PAX5: variants seen among roughly 807,000 people sequenced by gnomAD.
PAX5 encodes paired box 5, also known as paired box protein Pax-5.
Under a neutral mutation model 43.7 loss-of-function variants are expected in PAX5, and 9 were observed. The ratio of observed to expected loss-of-function variants is 0.21; its 90% CI spans 0.12 to 0.36. The LOEUF (loss-of-function observed/expected upper bound fraction) is 0.36. Ranked by LOEUF, PAX5 falls within the 10% of genes least tolerant of loss-of-function variation. The pLI, the probability that PAX5 is intolerant of heterozygous loss-of-function variation, is 1.00. For synonymous variants in PAX5, 228 were observed against 214.3 expected (o/e 1.06, Z -0.56); for missense variants, 383 against 532.7 (o/e 0.72, Z 2.77).
chr9:36,862,083 G>C lies in PAX5; in HGVS notation c.1013-15154C>G, dbSNP rs574017433. 4.5e-4 allele frequency among the ~76,000 whole-genome samples: 68 copies of C among 152,302 alleles called. No homozygotes were observed. In the South Asian group the frequency reaches 0.014, roughly 31 times the overall value. On this transcript the variant is annotated intron_variant, in intron 8 of 9. Transcript: ENST00000358127. ...CTCACGGAGCGGGGCCAGGTGTGTG[G>C]AGGCAGCTGGTAGAGGGAAAGCATG...
At chr9:36,961,069 C>A (rs1044648427) in intron 6 of PAX5, among the ~76,000 whole-genome samples, 3 of 152,214 alleles carry the variant, frequency 2.0e-5, no homozygotes, top group African/African-American at 7.2e-5. Context: ...AAGAAAAAAA[C>A]CACATCCTCT....
chr9:37,028,862 C>G (rs1038826062), intron 1 of PAX5, among the ~76,000 whole-genome samples: 8 of 152,246 alleles, frequency 5.3e-5, no homozygotes, highest in African/African-American at 1.7e-4. Context: ...TGTAGCAGAA[C>G]TCTCTTGCTA....
intron 8 of PAX5, among the ~76,000 whole-genome samples, chr9:36,847,790 G>A (rs553610791): frequency 1.1e-4 from 17 of 152,294 alleles, no homozygotes; most frequent in East Asian, 1.9e-4. Context: ...CTGGGTGCCC[G>A]TCCCAGGAGA....
intron 7 of PAX5, among the ~76,000 whole-genome samples, chr9:36,905,593 C>T (rs1022272315): frequency 5.9e-5 from 9 of 152,182 alleles, no homozygotes; most frequent in South Asian, 2.1e-4. Flanking sequence ...TCAGGGACTC[C>T]GCATGGCTGA....
chr9:36,840,573 T>C lies in PAX5; in HGVS notation c.1163A>G (p.Tyr388Cys). 1 of 1,587,958 alleles carries C rather than the reference T, an allele frequency of 6.3e-7. No homozygotes were observed. The change falls in exon 10 of 10, where the codon TAT becomes TGT. Residue 388 changes from tyrosine to cysteine, a missense_variant. By Grantham distance (194) the Tyr-to-Cys change is radical. This residue lies in a region of PAX5 where 291 missense variants were observed against 342.5 expected (regional missense o/e 0.85). Coordinates refer to ENST00000358127, the MANE Select transcript of PAX5 (RefSeq NM_016734.3). ...TGGCTCCAAGGGTCAGTGACGGTCA[T>C]AGGCAGTGGCGGCTGCAGGTGGGGC... ...GAAPPAAATA[Y>C]DRH is the part of the protein sequence containing the mutation.
chr9:36,903,173 T>C (rs1437527890), intron 7 of PAX5, among the ~76,000 whole-genome samples: 1 of 152,136 alleles, frequency 6.6e-6, no homozygotes, highest in East Asian at 1.9e-4. Flanking sequence ...AGTGGCATGA[T>C]CCTTACCCTG....
At chr9:36,970,100 G>A (rs148311790) in intron 5 of PAX5, among the ~76,000 whole-genome samples, 5 of 152,302 alleles carry the variant, frequency 3.3e-5, no homozygotes, top group Admixed American at 3.3e-4. Context: ...GCCCACTTTA[G>A]TCAAGTGATC....
chr9:36,843,951 A>G (rs1307674691), intron 9 of PAX5, among the ~76,000 whole-genome samples: 1 of 151,864 alleles, frequency 6.6e-6, no homozygotes, highest in Non-Finnish European at 1.5e-5. Flanking sequence ...TGCTAGTGCA[A>G]CTCTAGTTGT....
intron 6 of PAX5, among the ~76,000 whole-genome samples, chr9:36,944,138 T>G (rs1031033560): frequency 1.3e-5 from 2 of 152,108 alleles, no homozygotes; most frequent in African/African-American, 4.8e-5. Flanking sequence ...GAACTATGAT[T>G]GCACCACTGC....
intron 7 of PAX5, among the ~76,000 whole-genome samples, chr9:36,898,123 G>A (rs141767174): frequency 2.6e-5 from 4 of 152,220 alleles, no homozygotes; most frequent in African/African-American, 9.6e-5. Context: ...AAAGAGGGAA[G>A]GAAAGAGAAT....
At chr9:36,933,143 C>CA (rs35734654) in intron 6 of PAX5, among the ~76,000 whole-genome samples, 30,197 of 96,106 alleles carry the variant, frequency 0.31, 3,256 homozygotes, top group Non-Finnish European at 0.33. Context: ...GACCCTGTCT[C>CA]AAAAAAAAAA....
intron 1 of PAX5, among the ~76,000 whole-genome samples, chr9:37,030,482 G>GCT (rs942047398): frequency 1.3e-5 from 2 of 152,222 alleles, no homozygotes; most frequent in African/African-American, 4.8e-5. Flanking sequence ...GAGACTAGCA[G>GCT]CTCTCACCGC....
At chr9:36,986,157 C>G (rs1024714489) in intron 5 of PAX5, among the ~76,000 whole-genome samples, 23 of 151,698 alleles carry the variant, frequency 1.5e-4, no homozygotes, top group African/African-American at 4.6e-4. Context: ...GCCCGCGCCC[C>G]CCGGGGCCCC....
Position 36,835,593 on chromosome 9 carries a change from G to A in PAX5, c.*4967C>T, listed in dbSNP as rs146822126. On this transcript the variant is annotated 3_prime_UTR_variant, in exon 10 of 10. Transcript: ENST00000358127. ...AAGGGGCTGCTGGGAGGTGGGGCAC[G>A]CCGTGGGCTAGGAGTCGTGGCCTGA... 425 of 233,370 alleles carry A rather than the reference G, an allele frequency of 1.8e-3. No individual in the cohort carries two copies. Among genetic ancestry groups the A allele is most frequent in the Non-Finnish European group, 2.9e-3 (339 of 118,064 alleles). The allele number at this position is 233,370 out of a possible 1,614,324, so 14.5% of individuals were successfully genotyped here. A position where few individuals can be genotyped will look rare whatever the true frequency, so the allele number is the denominator to read the frequency against.
intron 5 of PAX5, among the ~76,000 whole-genome samples, chr9:36,994,375 G>GA (rs543112433): frequency 1.9e-3 from 283 of 152,290 alleles, no homozygotes; most frequent in Middle Eastern, 3.4e-3. Flanking sequence ...CTACCTGCAG[G>GA]GTATAGAGCA....
At chr9:36,959,698 T>G (rs920665454) in intron 6 of PAX5, among the ~76,000 whole-genome samples, 1 of 152,240 alleles carries the variant, frequency 6.6e-6, no homozygotes, top group African/African-American at 2.4e-5. Context: ...CATGCTCAGC[T>G]GCTTGCATGA....
chr9:36,840,592 G>A lies in PAX5; in HGVS notation c.1144C>T (p.Pro382Ser). The change falls in exon 10 of 10, where the codon CCT (proline) becomes TCT (serine). Residue 382 changes from proline to serine, a missense_variant. Transcript: ENST00000358127. The part of the protein sequence containing the change: ...YSAAARGAAP[P>S]AAATAYDRH Reference sequence around the variant, plus strand: ...CGGTCATAGGCAGTGGCGGCTGCAGGTGGGGCGGCTCCTCGGGCGGCAGCG... The same window carrying A: ...CGGTCATAGGCAGTGGCGGCTGCAGATGGGGCGGCTCCTCGGGCGGCAGCG... 1 of 1,585,356 alleles carries A rather than the reference G, an allele frequency of 6.3e-7. No individual in the cohort carries two copies. The highest frequency in any genetic ancestry group is 8.6e-7 in the Non-Finnish European group (1 of 1,166,998).
At chr9:36,913,325 C>G (rs982059179) in intron 7 of PAX5, among the ~76,000 whole-genome samples, 1 of 152,260 alleles carries the variant, frequency 6.6e-6, no homozygotes, top group Non-Finnish European at 1.5e-5. Flanking sequence ...TGCCAACTTA[C>G]TGATGCAAAG....
chr9:36,853,615 TA>T (rs1474368794), intron 8 of PAX5, among the ~76,000 whole-genome samples: 1 of 152,224 alleles, frequency 6.6e-6, no homozygotes, highest in East Asian at 1.9e-4. Context: ...AGCAGAGCCT[TA>T]AGAAATTTCA....
Sources: allele counts gnomAD v4.1 joint callset (sites outside exome capture counted in the v4.1 genomes callset), GRCh38; gene constraint gnomAD v4.1.1; regional missense constraint gnomAD v4.1.1; transcripts MANE v1.5; gene names NCBI Gene and HGNC (gene_info 2026-07-23, HGNC 2026-07-21).